Variants in GPHN observed in about 807,000 individuals in gnomAD.
The protein encoded by GPHN is gephyrin.
A neutral mutation model predicts 95.5 loss-of-function variants in GPHN; 17 were observed. That is an observed-to-expected ratio of 0.18 (90% CI 0.12 to 0.27). The LOEUF (loss-of-function observed/expected upper bound fraction) is 0.27, where lower values mean the gene tolerates loss of function less well. Ranked by LOEUF, GPHN falls within the 10% of genes least tolerant of loss-of-function variation. The pLI is 1.00. For missense variants in GPHN, 660 were observed against 978.1 expected, an observed-to-expected ratio of 0.67 and a Z score of 4.34; for synonymous variants, 320 against 322.5, an observed-to-expected ratio of 0.99 and a Z score of 0.08.
chr14:67,465,927 C>T, the GPHN span, among the ~76,000 whole-genome samples: 1 of 152,148 alleles, frequency 6.6e-6, no homozygotes, highest in Non-Finnish European at 1.5e-5. Context: ...GCCTAGGAAG[C>T]CAAGGATTGC....
intron 1 of GPHN, among the ~76,000 whole-genome samples, chr14:66,585,094 A>G (rs944679587): frequency 6.6e-6 from 1 of 151,974 alleles, no homozygotes; most frequent in Non-Finnish European, 1.5e-5. Flanking sequence ...CAGAGATTCA[A>G]CTTCTTCTTG....
At chr14:67,382,895 ACGTG>A in the GPHN span, among the ~76,000 whole-genome samples, 181 of 146,904 alleles carry the variant, frequency 1.2e-3, no homozygotes, top group Non-Finnish European at 1.0e-3. Flanking sequence ...AAGTGTGTGT[ACGTG>A]CGTGCGTGCG....
intron 1 of GPHN, among the ~76,000 whole-genome samples, chr14:66,554,899 G>C (rs962365937): frequency 6.6e-6 from 1 of 152,110 alleles, no homozygotes; most frequent in East Asian, 1.9e-4. Context: ...CATTATGAAG[G>C]GCATTTTAAA....
chr14:67,208,534 C>A, the GPHN span: 3 of 1,363,704 alleles, frequency 2.2e-6, no homozygotes, highest in Non-Finnish European at 3.0e-6. Flanking sequence ...TTAACTCAGG[C>A]ATCTGCCACT....
At position 67,008,073 on chromosome 14, in the gene GPHN, T is replaced by C. The variant is rs186613994; in HGVS notation, c.964-15560T>C. On this transcript the variant is annotated intron_variant, in intron 9 of 22. Transcript: ENST00000478722. ...GTATGTGCTAGAGGGAATCATACTA[T>C]GTCATTTGCTTTAAAAGCTGTGTCT... is the stretch of plus-strand genomic sequence containing the variant. Among the ~76,000 whole-genome samples, 16 of 152,290 alleles carry C rather than the reference T, an allele frequency of 1.1e-4. 1 individual carries two copies. The East Asian group carries it at 3.1e-3, about 29-fold the overall frequency.
chr14:66,644,332 T>C (rs2064610150), intron 1 of GPHN, among the ~76,000 whole-genome samples: 1 of 152,102 alleles, frequency 6.6e-6, no homozygotes, highest in South Asian at 2.1e-4. Flanking sequence ...AGTATGCTTT[T>C]TTAGATACTG....
rs8015008 is a variant in GPHN, at chr14:66,582,442, G to A, written c.64+73851G>A. Among the ~76,000 whole-genome samples the A allele has an allele frequency of 4.9e-3, 744 of 152,090 alleles. 3 individuals are homozygous for A. The highest frequency in any genetic ancestry group is 7.7e-3 in the Non-Finnish European group (523 of 67,984). On this transcript the variant is annotated intron_variant, in intron 1 of 22. Transcript: ENST00000478722. ...GTACATGTGCACAATGTGCAGGTTT[G>A]TGACATATGTATACATGTGCCATGT... is the stretch of plus-strand genomic sequence containing the variant.
chr14:66,768,915 T>C (rs1595844280), intron 2 of GPHN, among the ~76,000 whole-genome samples: 2 of 152,154 alleles, frequency 1.3e-5, no homozygotes, highest in East Asian at 1.9e-4. Context: ...AAGATACGTA[T>C]ACTATATATA....
the GPHN span, among the ~76,000 whole-genome samples, chr14:67,195,983 G>A: frequency 6.6e-6 from 1 of 151,880 alleles, no homozygotes; most frequent in African/African-American, 2.4e-5. Flanking sequence ...ATGGGGTTTC[G>A]CCATGTTGGC....
chr14:67,063,262 G>C (rs2075897215), intron 11 of GPHN, among the ~76,000 whole-genome samples: 1 of 152,158 alleles, frequency 6.6e-6, no homozygotes, highest in African/African-American at 2.4e-5. Flanking sequence ...TGTTATTTCT[G>C]AGGCCTCTGT....
chr14:66,569,289 A>G (rs1054616649), intron 1 of GPHN, among the ~76,000 whole-genome samples: 1 of 152,168 alleles, frequency 6.6e-6, no homozygotes, highest in Non-Finnish European at 1.5e-5. Flanking sequence ...AATATAGTTA[A>G]TATTATTTTT....
chr14:66,713,823 C>A (rs1404813197), intron 2 of GPHN, among the ~76,000 whole-genome samples: 1 of 151,996 alleles, frequency 6.6e-6, no homozygotes, highest in Non-Finnish European at 1.5e-5. Flanking sequence ...GACTGGAGTG[C>A]AGTGACGTGA....
chr14:66,789,931 T>C (rs1566947246), intron 3 of GPHN, among the ~76,000 whole-genome samples: 1 of 152,220 alleles, frequency 6.6e-6, no homozygotes, highest in African/African-American at 2.4e-5. Flanking sequence ...TAATTTCTGA[T>C]ATCCCAAAAA....
intron 6 of GPHN, among the ~76,000 whole-genome samples, chr14:66,916,478 G>GT (rs112153181): frequency 0.05 from 4,264 of 85,184 alleles, 123 homozygotes; most frequent in African/African-American, 0.086. Context: ...GATGTCCAGA[G>GT]TTTTTTTTTT....
chr14:67,531,652 T>A, the GPHN span, among the ~76,000 whole-genome samples: 3 of 150,590 alleles, frequency 2.0e-5, no homozygotes, highest in African/African-American at 7.3e-5. Flanking sequence ...CGGTGGCTCA[T>A]CCCTGTAATC....
At chr14:67,541,219 A>C in the GPHN span, among the ~76,000 whole-genome samples, 1 of 152,200 alleles carries the variant, frequency 6.6e-6, no homozygotes, top group East Asian at 1.9e-4. Context: ...TTTTATATAG[A>C]TGAAATAGAA....
At chr14:66,680,102 C>T (rs2066854214) in intron 1 of GPHN, among the ~76,000 whole-genome samples, 1 of 152,186 alleles carries the variant, frequency 6.6e-6, no homozygotes. Flanking sequence ...GTCTGGGTGG[C>T]AGCTTTCGAT....
chr14:67,642,222 C>T, the GPHN span: 2 of 1,614,012 alleles, frequency 1.2e-6, no homozygotes, highest in African/African-American at 1.3e-5. Context: ...TTGAGTTTTA[C>T]TCCAGTCCCC....
In GPHN at chr14:67,034,650, A is replaced by G. The variant is rs1053501191; in HGVS notation, c.1006+10975A>G. ...AAAGAGAGCAGTGGTGGCCATAGTT[A>G]TATCAGACAAAATATAGACTTTAGG... On this transcript the variant is annotated intron_variant, in intron 10 of 22. Transcript: ENST00000478722. 4.6e-5 allele frequency among the ~76,000 whole-genome samples: 7 copies of G among 152,176 alleles called. No individual in the cohort carries two copies. In the South Asian group the frequency reaches 8.3e-4, roughly 18 times the overall value.
Sources: allele counts gnomAD v4.1 joint callset (sites outside exome capture counted in the v4.1 genomes callset), GRCh38; gene constraint gnomAD v4.1.1; transcripts MANE v1.5; gene names NCBI Gene and HGNC (gene_info 2026-07-23, HGNC 2026-07-21).